SLC25A12: variants seen among roughly 807,000 people sequenced by gnomAD.
SLC25A12 encodes solute carrier family 25 member 12.
A neutral mutation model predicts 83.3 loss-of-function variants in SLC25A12; 32 were observed. The ratio of observed to expected loss-of-function variants is 0.38; its 90% CI spans 0.29 to 0.52. The LOEUF (loss-of-function observed/expected upper bound fraction) is 0.52. Among genes scored for constraint, SLC25A12 ranks in the 20% least tolerant of loss-of-function variants. The pLI, the probability that SLC25A12 is intolerant of heterozygous loss-of-function variation, is 0.84. For missense variants in SLC25A12, 611 were observed against 835.6 expected, an observed-to-expected ratio of 0.73 and a Z score of 3.31; for synonymous variants, 267 against 291.1, an observed-to-expected ratio of 0.92 and a Z score of 0.84.
intron 2 of SLC25A12, among the ~76,000 whole-genome samples, chr2:171,881,142 C>CTTT (rs201576623): frequency 1.3e-5 from 2 of 151,842 alleles, no homozygotes; most frequent in South Asian, 2.1e-4. Context: ...CCCATATTTT[C>CTTT]TTTTTTTGTT....
chr2:171,855,744 A>G (rs930468828), intron 4 of SLC25A12, 90 bp downstream of exon 4: 12 of 811,212 alleles, frequency 1.5e-5, no homozygotes, highest in Middle Eastern at 2.2e-4. Context: ...ATCCCAAATA[A>G]GCAGTAATCT....
intron 2 of SLC25A12, among the ~76,000 whole-genome samples, chr2:171,878,886 A>T (rs1333922753): frequency 6.6e-6 from 1 of 152,212 alleles, no homozygotes; most frequent in Non-Finnish European, 1.5e-5. Context: ...TCTTACTTCC[A>T]ACAGAAGCCA....
intron 11 of SLC25A12, among the ~76,000 whole-genome samples, chr2:171,812,860 TGAAA>T (rs1045332465): frequency 6.6e-6 from 1 of 151,476 alleles, no homozygotes; most frequent in Non-Finnish European, 1.5e-5. Flanking sequence ...AAATGGTCCC[TGAAA>T]GAGACAAAAA....
chr2:171,864,948 C>T (rs1302111287), intron 3 of SLC25A12, among the ~76,000 whole-genome samples: 1 of 145,672 alleles, frequency 6.9e-6, no homozygotes, highest in Non-Finnish European at 1.6e-5. Flanking sequence ...CAGTGCCTGA[C>T]AAACAATGGC....
At chr2:171,859,645 A>G (rs1194996889) in intron 3 of SLC25A12, among the ~76,000 whole-genome samples, 1 of 152,232 alleles carries the variant, frequency 6.6e-6, no homozygotes, top group East Asian at 1.9e-4. Flanking sequence ...AGTAGCAATA[A>G]GTGGAGTACT....
At chr2:171,814,465 T>G (rs2105864131) in intron 10 of SLC25A12, among the ~76,000 whole-genome samples, 1 of 152,118 alleles carries the variant, frequency 6.6e-6, no homozygotes, top group East Asian at 1.9e-4. Context: ...GTTCTGGGAT[T>G]CATATCCCAA....
At chr2:171,802,668 C>T (rs1482588654) in intron 13 of SLC25A12, among the ~76,000 whole-genome samples, 3 of 151,898 alleles carry the variant, frequency 2.0e-5, no homozygotes, top group Non-Finnish European at 4.4e-5. Flanking sequence ...CCCAACTACT[C>T]GGGAGGCTGA....
intron 4 of SLC25A12, among the ~76,000 whole-genome samples, chr2:171,849,670 G>A (rs551625364): frequency 1.1e-3 from 165 of 149,162 alleles, no homozygotes; most frequent in African/African-American, 3.7e-3. Context: ...CACGCCATTC[G>A]TGAGCCTCCC....
chr2:171,807,815 C>G (rs1405034316), intron 13 of SLC25A12, among the ~76,000 whole-genome samples: 1 of 152,150 alleles, frequency 6.6e-6, no homozygotes, highest in Non-Finnish European at 1.5e-5. Context: ...AAGAGATTTC[C>G]TTCCTGAGAA....
intron 11 of SLC25A12, among the ~76,000 whole-genome samples, chr2:171,810,984 A>C (rs2105860251): frequency 6.6e-6 from 1 of 152,326 alleles, no homozygotes; most frequent in East Asian, 1.9e-4. Context: ...TAGAAAGTTA[A>C]ATTCCCCAGG....
intron 11 of SLC25A12, among the ~76,000 whole-genome samples, chr2:171,812,699 T>TAAC (rs1683971517): frequency 6.6e-6 from 1 of 151,982 alleles, no homozygotes; most frequent in Non-Finnish European, 1.5e-5. Context: ...GAGTGGCTGC[T>TAAC]AACATTCCCT....
At chr2:171,871,568 C>A (rs1685457882) in intron 2 of SLC25A12, 1 of 188,192 alleles carries the variant, frequency 5.3e-6, no homozygotes, top group South Asian at 1.8e-4. Flanking sequence ...GATCCACCTG[C>A]CTCGGCCTCC....
At chr2:171,880,884 G>T (rs930724066) in intron 2 of SLC25A12, among the ~76,000 whole-genome samples, 2 of 152,124 alleles carry the variant, frequency 1.3e-5, no homozygotes, top group African/African-American at 4.8e-5. Flanking sequence ...TAAAAAAGGC[G>T]AATTGTATTA....
chr2:171,839,435 T>C (rs1351389677), intron 5 of SLC25A12, among the ~76,000 whole-genome samples: 2 of 152,134 alleles, frequency 1.3e-5, no homozygotes, highest in African/African-American at 4.8e-5. Flanking sequence ...AAAGGAAAGA[T>C]AAAGAAAGGC....
rs1364169381 is a variant in SLC25A12 at position 171,784,278 on chromosome 2, G to A, written c.*996C>T. 2.0e-5 allele frequency: 3 copies of A among 152,304 alleles called. No homozygotes were observed. Among genetic ancestry groups the A allele is most frequent in the Admixed American group, 6.5e-5 (1 of 15,302 alleles). The allele number at this position is 152,304 out of a possible 1,614,324, so 9.4% of individuals were successfully genotyped here. ...GTTTTCTATAAAGGTGGAAGAAAGG[G>A]CGAACCCGATCATGAGTTATTTGCA... On this transcript the variant is annotated 3_prime_UTR_variant, in exon 18 of 18. Transcript: ENST00000422440.
intron 15 of SLC25A12, 142 bp downstream of exon 15, chr2:171,791,309 C>A: frequency 1.3e-6 from 1 of 767,732 alleles, no homozygotes; most frequent in Non-Finnish European, 2.3e-6. Context: ...CAGCACATCC[C>A]ACAAAGGAGA....
At chr2:171,786,450 A>G (rs896576731) in intron 17 of SLC25A12, among the ~76,000 whole-genome samples, 1 of 151,964 alleles carries the variant, frequency 6.6e-6, no homozygotes, top group Non-Finnish European at 1.5e-5. Context: ...AGATGAAAGA[A>G]GCATGGAAAA....
chr2:171,885,873 TCTTA>T (rs1303686934), intron 2 of SLC25A12, among the ~76,000 whole-genome samples: 2 of 152,176 alleles, frequency 1.3e-5, no homozygotes, highest in Non-Finnish European at 2.9e-5. Flanking sequence ...ATTGCTAAAT[TCTTA>T]CTTTTTAAAT....
intron 3 of SLC25A12, among the ~76,000 whole-genome samples, chr2:171,859,915 G>A (rs1003935444): frequency 5.9e-5 from 9 of 152,020 alleles, no homozygotes; most frequent in African/African-American, 1.2e-4. Context: ...TTACAGGTGC[G>A]TGCCACCACA....
Sources: allele counts gnomAD v4.1 joint callset (sites outside exome capture counted in the v4.1 genomes callset), GRCh38; gene constraint gnomAD v4.1.1; transcripts MANE v1.5; gene names NCBI Gene and HGNC (gene_info 2026-07-23, HGNC 2026-07-21).